The following L3MBTL3 variants were observed in gnomAD, a reference collection of about 807,000 sequenced individuals.
L3MBTL3 encodes L3MBTL histone methyl-lysine binding protein 3.
L3MBTL3 carries 27 observed loss-of-function variants against 102.3 expected under a neutral mutation model. The ratio of observed to expected loss-of-function variants is 0.26; its 90% CI spans 0.19 to 0.36. L3MBTL3 has a LOEUF of 0.36. L3MBTL3 is among the 10% of genes least tolerant of loss of function. The probability of loss-of-function intolerance (pLI) is 1.00; values close to 1 mark genes in which losing one functional copy is unlikely to be tolerated. For synonymous variants in L3MBTL3, 340 were observed against 320.9 expected (o/e 1.06, Z -0.64); for missense variants, 798 against 955.3 (o/e 0.84, Z 2.17).
chr6:130,084,159 G>A (rs1363207666), intron 15 of L3MBTL3, among the ~76,000 whole-genome samples: 3 of 152,018 alleles, frequency 2.0e-5, no homozygotes, highest in African/African-American at 7.2e-5. Flanking sequence ...CAAAATACAA[G>A]ATCATCTGCT....
chr6:130,037,214 G>C (rs770527102), intron 2 of L3MBTL3, among the ~76,000 whole-genome samples: 11 of 152,128 alleles, frequency 7.2e-5, no homozygotes, highest in African/African-American at 2.7e-4. Context: ...TATGGAGACT[G>C]TAATAACCAG....
chr6:130,092,294 CAGA>C (rs1331073350), intron 16 of L3MBTL3, among the ~76,000 whole-genome samples: 3 of 151,982 alleles, frequency 2.0e-5, no homozygotes, highest in African/African-American at 7.2e-5. Flanking sequence ...AACACAATTG[CAGA>C]AGGCTTGACA....
intron 20 of L3MBTL3, among the ~76,000 whole-genome samples, chr6:130,132,697 C>T (rs3777428): frequency 0.13 from 19,655 of 151,948 alleles, 2,155 homozygotes; most frequent in African/African-American, 0.29. Flanking sequence ...AGAGAATGGC[C>T]GTTTTAGGAA....
chr6:130,096,750 C>T (rs546404448), intron 18 of L3MBTL3, among the ~76,000 whole-genome samples: 15 of 152,150 alleles, frequency 9.9e-5, no homozygotes, highest in Non-Finnish European at 1.8e-4. Context: ...AGCATTTCTT[C>T]ATAGATGCAG....
chr6:130,027,583 G>T (rs1779433510), intron 2 of L3MBTL3, among the ~76,000 whole-genome samples: 1 of 152,074 alleles, frequency 6.6e-6, no homozygotes, highest in African/African-American at 2.4e-5. Context: ...GCTACAAATG[G>T]TTATCAAGAT....
chr6:130,081,453 C>T (rs1349258497), intron 14 of L3MBTL3, among the ~76,000 whole-genome samples: 1 of 149,314 alleles, frequency 6.7e-6, no homozygotes, highest in Non-Finnish European at 1.5e-5. Flanking sequence ...GATTCTTGCT[C>T]TGTTGCCCAG....
chr6:130,042,827 T>TGTATGTAATA, intron 3 of L3MBTL3, 26 bp downstream of exon 3: 1 of 1,386,734 alleles, frequency 7.2e-7, no homozygotes, highest in Non-Finnish European at 1.0e-6. Context: ...TACATACAAT[T>TGTATGTAATA]ATGTGTGTGT....
intron 7 of L3MBTL3, 192 bp from the exon 8 acceptor site, chr6:130,054,979 A>G (rs1781371302): frequency 3.7e-6 from 2 of 543,074 alleles, no homozygotes; most frequent in South Asian, 4.0e-5. Context: ...ACGTGGATAC[A>G]GTCTTATTTT....
chr6:130,089,463 T>A (rs566589986), intron 16 of L3MBTL3, among the ~76,000 whole-genome samples: 3 of 152,234 alleles, frequency 2.0e-5, no homozygotes, highest in Admixed American at 2.0e-4. Context: ...ATCCAGTCTA[T>A]CATTGATGGA....
At chr6:130,124,307 A>C (rs1265530956) in intron 20 of L3MBTL3, among the ~76,000 whole-genome samples, 1 of 152,168 alleles carries the variant, frequency 6.6e-6, no homozygotes, top group Non-Finnish European at 1.5e-5. Context: ...CTGGTTCTGA[A>C]GGGCGCAAAG....
chr6:130,109,092 T>C (rs1367681139), intron 19 of L3MBTL3, among the ~76,000 whole-genome samples: 2 of 152,228 alleles, frequency 1.3e-5, no homozygotes, highest in South Asian at 2.1e-4. Context: ...ACATTTTCTT[T>C]ATCCAGTCTA....
In L3MBTL3 at chr6:130,080,095, A is replaced by G. The variant is rs181843744; in HGVS notation, c.1321+1461A>G. 2.0e-5 allele frequency among the ~76,000 whole-genome samples: 3 copies of G among 151,976 alleles called. No individual in the cohort carries two copies. The East Asian group carries it at 5.8e-4, about 30-fold the overall frequency. On this transcript the variant is annotated intron_variant, in intron 14 of 22. Coordinates refer to ENST00000361794, the MANE Select transcript of L3MBTL3 (RefSeq NM_032438.4). ...CATAGTGAGACCCTGTCTCTATAAA[A>G]AATTTTAAGTCAGCCAGGTGAGGTG...
intron 10 of L3MBTL3, among the ~76,000 whole-genome samples, 151 bp from the exon 11 acceptor site, chr6:130,066,198 ATTTG>A (rs1327332394): frequency 6.6e-6 from 1 of 150,622 alleles, no homozygotes; most frequent in Non-Finnish European, 1.5e-5. Context: ...GATTCTGGTT[ATTTG>A]TTTAGTTGTT....
At chr6:130,068,782 T>C (rs1782441384) in intron 12 of L3MBTL3, among the ~76,000 whole-genome samples, 1 of 152,148 alleles carries the variant, frequency 6.6e-6, no homozygotes, top group Non-Finnish European at 1.5e-5. Context: ...GGTAGCCCTG[T>C]TTCAGTTTAC....
intron 20 of L3MBTL3, among the ~76,000 whole-genome samples, chr6:130,128,619 C>G (rs7759255): frequency 0.02 from 2,986 of 152,274 alleles, 96 homozygotes; most frequent in African/African-American, 0.067. Flanking sequence ...GTCTTCATCT[C>G]AGTACAGTTA....
chr6:130,057,191 TC>T (rs1781563689), intron 8 of L3MBTL3, among the ~76,000 whole-genome samples: 1 of 152,206 alleles, frequency 6.6e-6, no homozygotes, highest in Non-Finnish European at 1.5e-5. Context: ...TACTTCCACT[TC>T]CATCTTCTAC....
At chr6:130,094,498 T>C (rs1784243325) in intron 18 of L3MBTL3, 131 bp downstream of exon 18, 1 of 473,850 alleles carries the variant, frequency 2.1e-6, no homozygotes, top group Non-Finnish European at 3.6e-6. Context: ...GTGGTTACCA[T>C]GGTGATCATG....
chr6:130,051,250 C>T lies in L3MBTL3; in HGVS notation c.291C>T (p.Val97=). 6.2e-7 allele frequency: 1 copy of T among 1,606,222 alleles called. No homozygotes were observed. The highest frequency in any genetic ancestry group is 8.5e-7 in the Non-Finnish European group (1 of 1,175,774). ...YWTSPPGCPT[V]FSEKTGMPFR... Reference sequence around the variant, plus strand: ...GCATTTCTTCTTTTCATCTTCTAGTCTTTTCAGAGAAGACTGGGATGCCTT... The same window carrying T: ...GCATTTCTTCTTTTCATCTTCTAGTTTTTTCAGAGAAGACTGGGATGCCTT... The change falls in exon 6 of 23, where the codon GTC becomes GTT. Residue 97 remains valine (V), a splice_region_variant and synonymous_variant. Transcript: ENST00000361794.
chr6:130,120,209 C>T (rs1382905004), intron 19 of L3MBTL3, among the ~76,000 whole-genome samples: 1 of 152,044 alleles, frequency 6.6e-6, no homozygotes. Flanking sequence ...GTCCCTGAAA[C>T]GTAAGAAAAG....
Sources: gnomAD v4.1 joint callset for allele counts (sites outside exome capture counted in the v4.1 genomes callset) on GRCh38, gnomAD v4.1.1 for gene constraint, MANE v1.5 for transcripts, NCBI Gene and HGNC (gene_info 2026-07-23, HGNC 2026-07-21) for gene names.